KCNQ5: variants seen among roughly 807,000 people sequenced by gnomAD.
The protein encoded by KCNQ5 is potassium voltage-gated channel subfamily Q member 5.
A neutral mutation model predicts 98.2 loss-of-function variants in KCNQ5; 30 were observed. That is an observed-to-expected ratio of 0.31 (90% CI 0.23 to 0.41). The LOEUF (loss-of-function observed/expected upper bound fraction) is 0.41, where lower values mean the gene tolerates loss of function less well. KCNQ5 is among the 10% of genes least tolerant of loss of function. The pLI, the probability that KCNQ5 is intolerant of heterozygous loss-of-function variation, is 1.00. For missense variants in KCNQ5, 835 were observed against 1,182.5 expected (o/e 0.71, Z 4.31); for synonymous variants, 458 against 449.4 (o/e 1.02, Z -0.24).
chr6:72,639,286 G>A (rs1435426622), intron 1 of KCNQ5, among the ~76,000 whole-genome samples: 1 of 152,154 alleles, frequency 6.6e-6, no homozygotes, highest in East Asian at 1.9e-4. Context: ...TGGGATAAAA[G>A]TATTACAAAG....
intron 5 of KCNQ5, among the ~76,000 whole-genome samples, chr6:73,083,060 T>G (rs557871634): frequency 4.9e-4 from 75 of 152,054 alleles, no homozygotes; most frequent in African/African-American, 1.8e-3. Flanking sequence ...CCAGCTAATT[T>G]TTTACTAATT....
intron 1 of KCNQ5, among the ~76,000 whole-genome samples, chr6:72,776,846 G>A (rs1326944035): frequency 2.0e-5 from 3 of 152,126 alleles, no homozygotes; most frequent in African/African-American, 7.2e-5. Flanking sequence ...ATACAGTACA[G>A]CGTAGAAACA....
At position 73,194,651 on chromosome 6, in the gene KCNQ5, C is replaced by A; in HGVS notation, c.2036C>A (p.Ser679Ter). The A allele has an allele frequency of 6.2e-7, 1 of 1,614,254 alleles. No homozygotes were observed. Among genetic ancestry groups the A allele is most frequent in the Non-Finnish European group, 8.5e-7 (1 of 1,180,044 alleles). Residue 679 changes from serine to a stop codon, truncating the protein, a stop_gained, in exon 14 of 14, where the codon TCA becomes TAA. Transcript: ENST00000370398. LOFTEE classifies it high-confidence loss of function. ...CAAAACAGTGGCTGCTTATCCAGATCAACTAGTGCCAACATCTCGAGAGGC... is the reference window on the plus strand; with the variant it reads ...CAAAACAGTGGCTGCTTATCCAGATAAACTAGTGCCAACATCTCGAGAGGC... Reference protein sequence around the residue: ...SAQNSGCLSRSTSANISRGLQ... With the variant: ...SAQNSGCLSR
intron 3 of KCNQ5, among the ~76,000 whole-genome samples, chr6:73,068,160 G>T (rs1310096033): frequency 6.6e-6 from 1 of 152,034 alleles, no homozygotes; most frequent in Non-Finnish European, 1.5e-5. Context: ...GTTGGGCATG[G>T]TGGCGGGTGC....
intron 1 of KCNQ5, among the ~76,000 whole-genome samples, chr6:72,854,781 TGTGC>T (rs1232652748): frequency 4.8e-5 from 7 of 146,304 alleles, no homozygotes; most frequent in African/African-American, 1.8e-4. Context: ...TGTGTGTGTG[TGTGC>T]GTGCGTAGAT....
intron 9 of KCNQ5, among the ~76,000 whole-genome samples, chr6:73,126,351 T>C (rs571777118): frequency 3.5e-4 from 54 of 152,332 alleles, no homozygotes; most frequent in African/African-American, 1.3e-3. Flanking sequence ...GTAAACTCTA[T>C]GGCAATCCTG....
At chr6:72,637,517 A>G (rs1157328336) in intron 1 of KCNQ5, among the ~76,000 whole-genome samples, 2 of 152,088 alleles carry the variant, frequency 1.3e-5, no homozygotes, top group Non-Finnish European at 2.9e-5. Context: ...TAAGAGTGGT[A>G]CTTCCCAGTG....
At chr6:72,995,385 A>G (rs1338496418) in intron 1 of KCNQ5, among the ~76,000 whole-genome samples, 1 of 151,444 alleles carries the variant, frequency 6.6e-6, no homozygotes, top group Non-Finnish European at 1.5e-5. Flanking sequence ...AAAAAAAAAA[A>G]GGGAAAGAAC....
intron 1 of KCNQ5, among the ~76,000 whole-genome samples, chr6:72,848,073 G>A (rs765020715): frequency 6.6e-6 from 1 of 151,898 alleles, no homozygotes; most frequent in Non-Finnish European, 1.5e-5. Context: ...CCTGAAATTA[G>A]TCTAGTTCAT....
At chr6:73,180,152 C>G (rs1299046281) in intron 11 of KCNQ5, among the ~76,000 whole-genome samples, 3 of 152,170 alleles carry the variant, frequency 2.0e-5, no homozygotes, top group African/African-American at 7.2e-5. Context: ...TCGCAGCAAC[C>G]ATTGTCTTGC....
chr6:73,083,039 T>C (rs938351101), intron 5 of KCNQ5, among the ~76,000 whole-genome samples: 1 of 151,958 alleles, frequency 6.6e-6, no homozygotes, highest in African/African-American at 2.4e-5. Flanking sequence ...CCCAGGCACA[T>C]GCCACCATGC....
chr6:73,051,493 A>G (rs1408111751), intron 3 of KCNQ5, among the ~76,000 whole-genome samples: 1 of 152,164 alleles, frequency 6.6e-6, no homozygotes, highest in Non-Finnish European at 1.5e-5. Context: ...AGGTGCAGGA[A>G]CACCTTAGCG....
At position 72,622,235 on chromosome 6, in the gene KCNQ5, C is replaced by T. The variant is rs2098915568; in HGVS notation, c.46C>T (p.Leu16Phe). The T allele has an allele frequency of 8.0e-7, 1 of 1,244,344 alleles. No individual in the cohort carries two copies. Among genetic ancestry groups the T allele is most frequent in the Non-Finnish European group, 1.0e-6 (1 of 996,702 alleles). 77.1% of individuals were successfully genotyped at this position (1,244,344 alleles called of 1,614,324 possible). A position where few individuals can be genotyped will look rare whatever the true frequency, so the allele number is the denominator to read the frequency against. ...AGGAGAGGAGGGCGGCGCCGCCGGG[C>T]TCTGGGTGAAGAGCGGCGCAGCGGC... ...AGGEEGGAAG[L>F]WVKSGAAAAA... Residue 16 changes from leucine to phenylalanine, a missense_variant, in exon 1 of 14, where the codon CTC becomes TTC. Leu to Phe is a conservative substitution (Grantham distance 22). This residue lies in a region of KCNQ5 where 80 missense variants were observed against 72.3 expected (regional missense o/e 1.11). Transcript: ENST00000370398. The surrounding 1 kb of genome is among the most constrained non-coding windows in gnomAD (Gnocchi z 6.0).
At chr6:72,935,411 A>AT (rs796830374) in intron 1 of KCNQ5, among the ~76,000 whole-genome samples, 3 of 152,200 alleles carry the variant, frequency 2.0e-5, no homozygotes, top group East Asian at 1.9e-4. Context: ...GAAACTAAAC[A>AT]TTGGGAAAAT....
rs761088298 is a variant in KCNQ5, at chr6:73,133,693, G to A, written c.1468+52G>A. On this transcript the variant is annotated intron_variant, in intron 10 of 13. Transcript: ENST00000370398. Reference sequence around the variant, plus strand: ...TTTAATTGGATAGGCTATAGTGAGTGAGATTATGAAGTAATTAATTCTCCA... The same window carrying A: ...TTTAATTGGATAGGCTATAGTGAGTAAGATTATGAAGTAATTAATTCTCCA... 5.2e-5 allele frequency: 77 copies of A among 1,470,002 alleles called. 1 individual carries two copies. The highest frequency in any genetic ancestry group is 6.8e-5 in the Non-Finnish European group (72 of 1,054,374). 91.1% of individuals were successfully genotyped at this position (1,470,002 alleles called of 1,614,324 possible). A position where few individuals can be genotyped will look rare whatever the true frequency, so the allele number is the denominator to read the frequency against.
intron 1 of KCNQ5, among the ~76,000 whole-genome samples, chr6:72,756,095 C>A (rs1306307994): frequency 6.6e-6 from 1 of 152,162 alleles, no homozygotes; most frequent in African/African-American, 2.4e-5. Flanking sequence ...TCATACTTGT[C>A]TTTTAGAAAT....
In KCNQ5 at chr6:72,987,539, C is replaced by T. The variant is rs753727322; in HGVS notation, c.399-16369C>T. 1.4e-5 allele frequency: 9 copies of T among 659,000 alleles called. No homozygotes were observed. The Admixed American group carries it at 1.5e-4, about 11-fold the overall frequency. The allele number at this position is 659,000 out of a possible 1,614,324, so 40.8% of individuals were successfully genotyped here. On this transcript the variant is annotated intron_variant, in intron 1 of 13. Transcript: ENST00000370398. ...CGTTCAGCCGCCACCCCCTCCAAGC[C>T]CCGCAGCACGATTGCAAGGTCCAAC...
At position 73,194,977 on chromosome 6, in the gene KCNQ5, A is replaced by G; in HGVS notation, c.2362A>G (p.Lys788Glu). The G allele has an allele frequency of 2.5e-6, 4 of 1,614,208 alleles. No homozygotes were observed. Among genetic ancestry groups the G allele is most frequent in the Non-Finnish European group, 2.5e-6 (3 of 1,180,042 alleles). The change falls in exon 14 of 14, where the codon AAG (lysine) becomes GAG (glutamate). Residue 788 changes from lysine (K) to glutamate (E), a missense_variant. Lys to Glu is a moderately conservative substitution (Grantham distance 56, BLOSUM62 1). Coordinates refer to ENST00000370398, the MANE Select transcript of KCNQ5 (RefSeq NM_019842.4). Reference sequence around the variant, plus strand: ...CGTCACCACCTGCCTTGTTGCCTCCAAGGAAAATGTTCAGGTTGCACAGTC... The same window carrying G: ...CGTCACCACCTGCCTTGTTGCCTCCGAGGAAAATGTTCAGGTTGCACAGTC... ...SDVTTCLVAS[K>E]ENVQVAQSNL...
intron 1 of KCNQ5, among the ~76,000 whole-genome samples, chr6:72,734,970 G>C (rs1770754656): frequency 6.6e-6 from 1 of 152,118 alleles, no homozygotes; most frequent in Middle Eastern, 3.4e-3. Flanking sequence ...TCAATTAACT[G>C]TGCACAGTTA....
Sources: gnomAD v4.1 joint callset for allele counts (sites outside exome capture counted in the v4.1 genomes callset) on GRCh38, gnomAD v4.1.1 for gene constraint, gnomAD v4.1.1 regional missense constraint, Gnocchi (gnomAD v3.1) non-coding constraint, MANE v1.5 for transcripts, NCBI Gene and HGNC (gene_info 2026-07-23, HGNC 2026-07-21) for gene names.